CHCT1: variants seen among roughly 807,000 people sequenced by gnomAD.
The protein encoded by CHCT1 is CHD1 helical C-terminal domain containing protein 1.
the CHCT1 span, among the ~76,000 whole-genome samples, chr17:60,423,359 A>C: frequency 6.6e-6 from 1 of 151,824 alleles, no homozygotes; most frequent in South Asian, 2.1e-4. Flanking sequence ...CACCTGGCTA[A>C]TTTTTGTATT....
the CHCT1 span, chr17:60,422,584 C>T: frequency 1.3e-6 from 2 of 1,550,444 alleles, no homozygotes; most frequent in Non-Finnish European, 1.7e-6. Flanking sequence ...TACCGGCACA[C>T]CTGCTGAGAT....
chr17:60,421,598 G>C, the CHCT1 span: 1 of 983,160 alleles, frequency 1.0e-6, no homozygotes, highest in Non-Finnish European at 1.2e-6. Flanking sequence ...AACTGCGGGG[G>C]CAACGGTCTC....
chr17:60,424,937 C>T, the CHCT1 span, among the ~76,000 whole-genome samples: 2 of 152,112 alleles, frequency 1.3e-5, no homozygotes, highest in African/African-American at 4.8e-5. Flanking sequence ...ACAGCTCGAA[C>T]ATTATGAAGC....
At chr17:60,427,425 C>CTT in the CHCT1 span, among the ~76,000 whole-genome samples, 1 of 148,806 alleles carries the variant, frequency 6.7e-6, no homozygotes, top group African/African-American at 2.5e-5. Context: ...TTCAGCTAGT[C>CTT]TTTTTTTTTT....
At chr17:60,429,466 C>T in the CHCT1 span, 41 of 1,614,258 alleles carry the variant, frequency 2.5e-5, no homozygotes, top group African/African-American at 1.1e-4. Flanking sequence ...GCAACATCAG[C>T]GGCATGAAGG....
At chr17:60,421,812 G>C in the CHCT1 span, 1 of 972,534 alleles carries the variant, frequency 1.0e-6, no homozygotes, top group African/African-American at 1.8e-5. Context: ...GGGGTGGCGG[G>C]ACTTTCGCCG....
At chr17:60,422,622 A>T in the CHCT1 span, 2 of 1,527,650 alleles carry the variant, frequency 1.3e-6, no homozygotes, top group Admixed American at 2.0e-5. Flanking sequence ...AAGGGGGTGA[A>T]GGGGACAAGC....
At chr17:60,422,189 C>T in the CHCT1 span, 3 of 283,276 alleles carry the variant, frequency 1.1e-5, no homozygotes, top group Non-Finnish European at 2.0e-5. Flanking sequence ...CCCACCACGG[C>T]GTAACCCAGC....
the CHCT1 span, chr17:60,422,519 A>G: frequency 1.7e-5 from 26 of 1,544,458 alleles, no homozygotes; most frequent in Non-Finnish European, 2.3e-5. Context: ...CGGCTAGGTC[A>G]CAGAAGCAGT....
the CHCT1 span, chr17:60,421,402 C>T: frequency 1.0e-6 from 1 of 985,634 alleles, no homozygotes; most frequent in Non-Finnish European, 1.2e-6. Flanking sequence ...CTCCTGTGCC[C>T]GAGGTGGCCG....
the CHCT1 span, among the ~76,000 whole-genome samples, chr17:60,427,576 C>T: frequency 6.6e-6 from 1 of 152,052 alleles, no homozygotes; most frequent in Non-Finnish European, 1.5e-5. Context: ...CACCACTGTG[C>T]CTAATTTTTG....
the CHCT1 span, chr17:60,425,842 C>T: frequency 1.9e-6 from 3 of 1,551,776 alleles, no homozygotes; most frequent in South Asian, 1.2e-5. Context: ...GAGACTCGCT[C>T]ATGCGCCATG....
chr17:60,423,528 G>A, the CHCT1 span, among the ~76,000 whole-genome samples: 1 of 151,920 alleles, frequency 6.6e-6, no homozygotes, highest in South Asian at 2.1e-4. Context: ...CAGTGGCTCA[G>A]TCTCGGCTCA....
the CHCT1 span, chr17:60,429,353 C>T: frequency 5.0e-6 from 8 of 1,611,818 alleles, no homozygotes; most frequent in Admixed American, 1.3e-4. Flanking sequence ...CACGGAGGCT[C>T]CATGGCAGGT....
chr17:60,421,904 C>A, the CHCT1 span: 1 of 985,398 alleles, frequency 1.0e-6, no homozygotes. Flanking sequence ...CTGTGTGAAG[C>A]GGGACCGCTG....
chr17:60,426,812 T>C, the CHCT1 span: 3 of 1,602,798 alleles, frequency 1.9e-6, no homozygotes, highest in African/African-American at 4.0e-5. Flanking sequence ...GCCGGCCAAG[T>C]TCCTGGTGAG....
chr17:60,422,471 G>A, the CHCT1 span: 1 of 1,527,806 alleles, frequency 6.5e-7, no homozygotes. Flanking sequence ...CCGTGGCTTT[G>A]CTCCGAGTTC....
the CHCT1 span, chr17:60,426,304 C>A: frequency 1.9e-6 from 3 of 1,546,004 alleles, no homozygotes; most frequent in African/African-American, 2.8e-5. Context: ...TGCAGCATTA[C>A]TGCCAAGCCT....
chr17:60,427,887 T>C, the CHCT1 span, among the ~76,000 whole-genome samples: 1 of 152,174 alleles, frequency 6.6e-6, no homozygotes, highest in Non-Finnish European at 1.5e-5. Flanking sequence ...TTAGGTTCAC[T>C]GTCTCTTAGT....
Sources: gnomAD v4.1 joint callset for allele counts (sites outside exome capture counted in the v4.1 genomes callset) on GRCh38, gnomAD v4.1.1 for gene constraint, MANE v1.5 for transcripts, NCBI Gene and HGNC (gene_info 2026-07-23, HGNC 2026-07-21) for gene names.